IL18R1: variants seen among roughly 807,000 people sequenced by gnomAD.
IL18R1 encodes the protein interleukin-18 receptor 1.
In IL18R1, 40 loss-of-function variants were observed where a neutral mutation model predicts 48.5. The ratio of observed to expected loss-of-function variants is 0.82; its 90% CI spans 0.64 to 1.07. The LOEUF is 1.07. Among genes scored for constraint, IL18R1 ranks in the 50% least tolerant of loss-of-function variants. IL18R1 has a pLI of 0.00. For synonymous variants in IL18R1, 232 were observed against 225.9 expected, an observed-to-expected ratio of 1.03 and a Z score of -0.24; for missense variants, 596 against 633.7, an observed-to-expected ratio of 0.94 and a Z score of 0.64.
chr2:102,367,833 A>G lies in IL18R1; in HGVS notation c.67A>G (p.Thr23Ala), dbSNP rs1678996936. 1.9e-6 allele frequency: 3 copies of G among 1,612,646 alleles called. No individual in the cohort carries two copies. The highest frequency in any genetic ancestry group is 2.5e-6 in the Non-Finnish European group (3 of 1,178,952). Residue 23 changes from threonine (T) to alanine (A), a missense_variant, in exon 3 of 11, where the codon ACT becomes GCT. Around this residue, in one of 3 missense-constraint regions of IL18R1, gnomAD observed 360 missense variants for 339.4 expected, o/e 1.06. Coordinates refer to ENST00000233957, the MANE Select transcript of IL18R1 (RefSeq NM_003855.5). ...LISVSTAESC[T>A]SRPHITVVEG... is the part of the protein sequence containing the mutation. ...TTACTAATCTTTTGAAGAATCTTGT[A>G]CTTCACGTCCCCACATTACTGTGGT...
In IL18R1 at chr2:102,386,904, G is replaced by A. The variant is rs1183581537; in HGVS notation, c.853G>A (p.Glu285Lys). Residue 285 changes from glutamate (E) to lysine (K), a missense_variant, in exon 8 of 11, where the codon GAA (glutamate) becomes AAA (lysine). Coordinates refer to ENST00000233957, the MANE Select transcript of IL18R1 (RefSeq NM_003855.5). ...GCATGCTTCAAAAGTATTGAGAATT[G>A]AAAATATTGGTGAAAGCAATCTAAA... is the stretch of plus-strand genomic sequence containing the variant. ...KWHASKVLRI[E>K]NIGESNLNVL... 1.2e-5 allele frequency: 20 copies of A among 1,614,042 alleles called. No homozygotes were observed. Among genetic ancestry groups the A allele is most frequent in the Non-Finnish European group, 1.7e-5 (20 of 1,180,006 alleles).
intron 2 of IL18R1, among the ~76,000 whole-genome samples, chr2:102,365,580 G>A (rs1200299244): frequency 6.6e-6 from 1 of 152,146 alleles, no homozygotes; most frequent in East Asian, 1.9e-4. Flanking sequence ...GAGGATGGTG[G>A]CTTTCTTCTC....
intron 9 of IL18R1, among the ~76,000 whole-genome samples, chr2:102,391,741 G>A (rs1384963605): frequency 6.6e-6 from 1 of 152,140 alleles, no homozygotes; most frequent in African/African-American, 2.4e-5. Flanking sequence ...ATTTGGAGTT[G>A]TGCCAATCTG....
intron 5 of IL18R1, among the ~76,000 whole-genome samples, chr2:102,380,968 A>G (rs1679885221): frequency 6.6e-6 from 1 of 152,198 alleles, no homozygotes. Context: ...TGCCTTAAGC[A>G]AGAGCCTGTT....
At chr2:102,362,778 G>GTTTT in intron 2 of IL18R1, 60 bp downstream of exon 2, 2 of 904,354 alleles carry the variant, frequency 2.2e-6, no homozygotes, top group South Asian at 1.8e-5. Context: ...GAATGTCAAA[G>GTTTT]TTTTTTTTTT....
chr2:102,357,529 G>A (rs1301547473), intron 1 of IL18R1, among the ~76,000 whole-genome samples: 1 of 151,994 alleles, frequency 6.6e-6, no homozygotes, highest in African/African-American at 2.4e-5. Flanking sequence ...CAGGGTCCCT[G>A]CCTTCAGGGA....
chr2:102,374,963 C>T (rs775467671), intron 4 of IL18R1, among the ~76,000 whole-genome samples: 5 of 152,122 alleles, frequency 3.3e-5, no homozygotes, highest in African/African-American at 4.8e-5. Flanking sequence ...AATGAAGAGT[C>T]TCTGATCTTT....
chr2:102,368,675 T>C (rs975801112), intron 3 of IL18R1, among the ~76,000 whole-genome samples: 1 of 152,126 alleles, frequency 6.6e-6, no homozygotes, highest in Non-Finnish European at 1.5e-5. Flanking sequence ...ATACTCGAAA[T>C]TGGGTTGCAT....
intron 3 of IL18R1, among the ~76,000 whole-genome samples, chr2:102,369,129 A>C (rs1392639029): frequency 6.6e-6 from 1 of 152,232 alleles, no homozygotes; most frequent in East Asian, 1.9e-4. Flanking sequence ...TTTCATAACA[A>C]GCTAAGGAAG....
At chr2:102,389,115 T>G (rs948615762) in intron 8 of IL18R1, among the ~76,000 whole-genome samples, 6 of 152,162 alleles carry the variant, frequency 3.9e-5, no homozygotes, top group African/African-American at 1.4e-4. Context: ...ATATAAAATG[T>G]ACTGCAACTT....
In IL18R1 at chr2:102,396,793, GT is replaced by G. The variant is rs772733855; in HGVS notation, c.1535del (p.Phe512SerfsTer8). 6.2e-7 allele frequency: 1 copy of G among 1,613,912 alleles called. No homozygotes were observed. Among genetic ancestry groups the G allele is most frequent in the Non-Finnish European group, 8.5e-7 (1 of 1,179,986 alleles). On this transcript the variant is annotated frameshift_variant, in exon 11 of 11. Coordinates refer to ENST00000233957, the MANE Select transcript of IL18R1 (RefSeq NM_003855.5). LOFTEE classifies it low-confidence loss of function (END_TRUNC). ...ADKSLSYNSR[F>X]WKNLLYLMPA... ...ATAAATCTCTTTCTTATAACTCAAG[GT>G]TCTGGAAGAACCTTCTTTACTTAAT... is the stretch of plus-strand genomic sequence containing the variant.
At chr2:102,383,113 T>C (rs1423265862) in intron 6 of IL18R1, among the ~76,000 whole-genome samples, 1 of 152,232 alleles carries the variant, frequency 6.6e-6, no homozygotes, top group South Asian at 2.1e-4. Context: ...TCTTGTCTCT[T>C]ATTCATGTCC....
chr2:102,368,678 G>A (rs1028300943), intron 3 of IL18R1, among the ~76,000 whole-genome samples: 5 of 152,094 alleles, frequency 3.3e-5, no homozygotes, highest in Admixed American at 3.3e-4. Flanking sequence ...CTCGAAATTG[G>A]GTTGCATAAC....
At chr2:102,372,843 AATACC>A (rs1433378126) in intron 4 of IL18R1, among the ~76,000 whole-genome samples, 4 of 152,222 alleles carry the variant, frequency 2.6e-5, no homozygotes, top group African/African-American at 9.6e-5. Flanking sequence ...GGCTAAAATG[AATACC>A]ATTTCCACAA....
At chr2:102,381,588 A>G in intron 5 of IL18R1, 32 bp from the exon 6 acceptor site, 1 of 1,525,394 alleles carries the variant, frequency 6.6e-7, no homozygotes, top group Non-Finnish European at 9.1e-7. Context: ...AGGCAACACT[A>G]ATACATTTGT....
intron 2 of IL18R1, among the ~76,000 whole-genome samples, chr2:102,365,912 C>A (rs1048924373): frequency 1.3e-5 from 2 of 152,134 alleles, no homozygotes; most frequent in Non-Finnish European, 2.9e-5. Flanking sequence ...TGCAGGGCAC[C>A]AAATCCCTAG....
Position 102,369,682 on chromosome 2 carries a change from T to C in IL18R1, c.302+1614T>C, listed in dbSNP as rs187233585. On this transcript the variant is annotated intron_variant, in intron 3 of 10. Coordinates refer to ENST00000233957, the MANE Select transcript of IL18R1 (RefSeq NM_003855.5). Reference sequence around the variant, plus strand: ...GCAGATGTGTGTGTATACACATATGTGTTCTAACTTAGGTGTGTAACCCTT... The same window carrying C: ...GCAGATGTGTGTGTATACACATATGCGTTCTAACTTAGGTGTGTAACCCTT... 7.8e-4 allele frequency among the ~76,000 whole-genome samples: 119 copies of C among 152,384 alleles called. No homozygotes were observed. In the Middle Eastern group the frequency reaches 0.01, roughly 13 times the overall value.
intron 9 of IL18R1, among the ~76,000 whole-genome samples, chr2:102,393,338 GC>G (rs1245534001): frequency 6.6e-6 from 1 of 152,170 alleles, no homozygotes; most frequent in East Asian, 1.9e-4. Flanking sequence ...ATTTATGTAA[GC>G]CTGAAATTTT....
intron 3 of IL18R1, among the ~76,000 whole-genome samples, chr2:102,371,525 T>C (rs199773516): frequency 2.6e-5 from 4 of 152,286 alleles, no homozygotes; most frequent in African/African-American, 7.2e-5. Flanking sequence ...AATATATATA[T>C]ACACACATTT....
Sources: gnomAD v4.1 joint callset for allele counts (sites outside exome capture counted in the v4.1 genomes callset) on GRCh38, gnomAD v4.1.1 for gene constraint, gnomAD v4.1.1 regional missense constraint, MANE v1.5 for transcripts, NCBI Gene and HGNC (gene_info 2026-07-23, HGNC 2026-07-21) for gene names.